Variants in CCDC192 observed in about 807,000 individuals in gnomAD.
CCDC192 encodes coiled-coil domain-containing protein 192.
intron 5 of CCDC192, among the ~76,000 whole-genome samples, chr5:127,818,046 G>C (rs2127013662): frequency 6.6e-6 from 1 of 152,218 alleles, no homozygotes; most frequent in African/African-American, 2.4e-5. Flanking sequence ...AGAGTCTTCA[G>C]AATAAAGTAT....
chr5:127,792,730 GAGGAGAAGGAAA>G (rs1164370597), intron 3 of CCDC192, among the ~76,000 whole-genome samples: 1 of 151,340 alleles, frequency 6.6e-6, no homozygotes, highest in Admixed American at 6.6e-5. Context: ...AGCAGAAAAG[GAGGAGAAGGAAA>G]AGGAGAAGGA....
At chr5:127,799,431 T>C (rs1375908876) in intron 5 of CCDC192, among the ~76,000 whole-genome samples, 1 of 152,184 alleles carries the variant, frequency 6.6e-6, no homozygotes, top group Non-Finnish European at 1.5e-5. Context: ...GACAGAAATA[T>C]GTCTCATTAG....
intron 2 of CCDC192, among the ~76,000 whole-genome samples, chr5:127,731,755 G>C (rs961004381): frequency 2.6e-5 from 4 of 152,158 alleles, no homozygotes; most frequent in Non-Finnish European, 5.9e-5. Context: ...TAAGCAATGA[G>C]GAAAGGATTC....
chr5:127,861,615 A>G (rs1447350498), intron 5 of CCDC192, among the ~76,000 whole-genome samples: 2 of 152,078 alleles, frequency 1.3e-5, no homozygotes, highest in Admixed American at 6.6e-5. Flanking sequence ...AGACTGTGAC[A>G]CTACACTCCA....
At chr5:127,910,377 C>T (rs754476703) in intron 6 of CCDC192, among the ~76,000 whole-genome samples, 2 of 152,160 alleles carry the variant, frequency 1.3e-5, no homozygotes, top group African/African-American at 2.4e-5. Flanking sequence ...AGTAAATTAA[C>T]TAATACAAAG....
chr5:127,780,972 T>G (rs1043592840), intron 3 of CCDC192, among the ~76,000 whole-genome samples: 3 of 152,332 alleles, frequency 2.0e-5, no homozygotes, highest in Non-Finnish European at 4.4e-5. Flanking sequence ...CACATAAGAT[T>G]TAAATCCTTA....
intron 5 of CCDC192, among the ~76,000 whole-genome samples, chr5:127,813,598 C>T (rs548378504): frequency 1.5e-4 from 23 of 152,026 alleles, no homozygotes; most frequent in Admixed American, 7.2e-4. Context: ...GAGTAAAAAG[C>T]GACCTGGAAG....
chr5:127,792,254 A>G (rs928043341), intron 3 of CCDC192, among the ~76,000 whole-genome samples: 3 of 152,198 alleles, frequency 2.0e-5, no homozygotes, highest in African/African-American at 7.2e-5. Context: ...AGGCCTCAGG[A>G]AACTTACAAT....
At position 127,875,556 on chromosome 5, in the gene CCDC192, A is replaced by G. The variant is rs1408715570; in HGVS notation, c.430A>G (p.Lys144Glu). 1 of 398,740 alleles carries G rather than the reference A, an allele frequency of 2.5e-6. No individual in the cohort carries two copies. The allele number at this position is 398,740 out of a possible 1,614,324, so 24.7% of individuals were successfully genotyped here. A position where few individuals can be genotyped will look rare whatever the true frequency, so the allele number is the denominator to read the frequency against. ...TTTTAAGAAACTAAAGCATGAAAAG[A>G]AAGTGAAAAAACTACAGACTGATTT... ...LIAQKLKHEKKVKKLQTDLAT... is the reference protein window; with the variant it reads ...LIAQKLKHEKEVKKLQTDLAT... Residue 144 changes from lysine (K) to glutamate (E), a missense_variant, in exon 6 of 7, where the codon AAA becomes GAA. Coordinates refer to ENST00000514853, the MANE Select transcript of CCDC192 (RefSeq NM_001317938.2).
chr5:127,773,091 G>GA (rs1755657040), intron 3 of CCDC192, among the ~76,000 whole-genome samples: 1 of 152,128 alleles, frequency 6.6e-6, no homozygotes, highest in Admixed American at 6.5e-5. Flanking sequence ...TTTACTAGGA[G>GA]AAAAATATAG....
chr5:127,757,580 A>G (rs1251506141), intron 3 of CCDC192, among the ~76,000 whole-genome samples: 2 of 152,000 alleles, frequency 1.3e-5, no homozygotes, highest in Non-Finnish European at 2.9e-5. Context: ...CATTAAAAAC[A>G]TATGGATGAG....
chr5:127,933,775 G>C (rs1213162192), intron 6 of CCDC192, among the ~76,000 whole-genome samples: 1 of 152,182 alleles, frequency 6.6e-6, no homozygotes, highest in Non-Finnish European at 1.5e-5. Context: ...CATGAGGGCA[G>C]AGCCCTCATG....
intron 5 of CCDC192, among the ~76,000 whole-genome samples, chr5:127,861,528 G>A (rs761481897): frequency 2.0e-5 from 3 of 151,578 alleles, no homozygotes; most frequent in African/African-American, 4.8e-5. Flanking sequence ...GATGACAGGC[G>A]CCTGTAATCC....
chr5:127,871,036 A>T (rs1426438956), intron 5 of CCDC192, among the ~76,000 whole-genome samples: 1 of 152,212 alleles, frequency 6.6e-6, no homozygotes, highest in Non-Finnish European at 1.5e-5. Flanking sequence ...GGACAGAGTA[A>T]ATTTCAGACA....
At chr5:127,809,995 T>G (rs1757991075) in intron 5 of CCDC192, among the ~76,000 whole-genome samples, 1 of 152,208 alleles carries the variant, frequency 6.6e-6, no homozygotes, top group Non-Finnish European at 1.5e-5. Context: ...GGATTTTACA[T>G]TCAGGCTGCT....
At position 127,777,776 on chromosome 5, in the gene CCDC192, C is replaced by T. The variant is rs535049754; in HGVS notation, c.223-19327C>T. On this transcript the variant is annotated intron_variant, in intron 3 of 6. Coordinates refer to ENST00000514853, the MANE Select transcript of CCDC192 (RefSeq NM_001317938.2). ...TCTGATGGCTTTATAAATAAGAGTTCTCTTGCACAAGCTCTCTTTTTGCCA... is the reference window on the plus strand; with the variant it reads ...TCTGATGGCTTTATAAATAAGAGTTTTCTTGCACAAGCTCTCTTTTTGCCA... Among the ~76,000 whole-genome samples the T allele has an allele frequency of 4.9e-4, 75 of 152,274 alleles. 1 individual carries two copies. Among genetic ancestry groups the T allele is most frequent in the African/African-American group, 1.7e-3 (72 of 41,546 alleles).
chr5:127,938,531 A>G (rs907767888), intron 6 of CCDC192, among the ~76,000 whole-genome samples: 5 of 152,174 alleles, frequency 3.3e-5, no homozygotes, highest in Admixed American at 1.3e-4. Flanking sequence ...CAGAAATATA[A>G]TGGGAGCCAC....
chr5:127,876,606 T>G (rs995278102), intron 6 of CCDC192, among the ~76,000 whole-genome samples: 2 of 152,192 alleles, frequency 1.3e-5, no homozygotes, highest in African/African-American at 4.8e-5. Context: ...CTGTGGTTCC[T>G]GGGAAAAATG....
intron 3 of CCDC192, among the ~76,000 whole-genome samples, chr5:127,781,897 G>A (rs1253250293): frequency 6.6e-6 from 1 of 152,086 alleles, no homozygotes; most frequent in African/African-American, 2.4e-5. Flanking sequence ...GTGAGAATGG[G>A]CATCCTTATC....
Sources: allele counts gnomAD v4.1 joint callset (sites outside exome capture counted in the v4.1 genomes callset), GRCh38; gene constraint gnomAD v4.1.1; transcripts MANE v1.5; gene names NCBI Gene and HGNC (gene_info 2026-07-23, HGNC 2026-07-21).